IL18BP: variants seen among roughly 807,000 people sequenced by gnomAD.
IL18BP encodes the protein interleukin-18-binding protein.
Under a neutral mutation model 19.9 loss-of-function variants are expected in IL18BP, and 23 were observed. The ratio of observed to expected loss-of-function variants is 1.15; its 90% CI spans 0.83 to 1.64. The LOEUF is 1.64. Ranked by LOEUF, IL18BP falls within the 40% of genes most tolerant of loss-of-function variation. The pLI is 0.00. For synonymous variants in IL18BP, 107 were observed against 101.0 expected, an observed-to-expected ratio of 1.06 and a Z score of -0.35; for missense variants, 239 against 240.7, an observed-to-expected ratio of 0.99 and a Z score of 0.05.
At chr11:72,004,736 C>G, downstream of IL18BP, 1 of 1,612,612 alleles carries the variant, frequency 6.2e-7, no homozygotes, top group Middle Eastern at 1.7e-4. Flanking sequence ...GGATTGGCTG[C>G]ATGCTGGCTC....
downstream of IL18BP, chr11:72,005,988 CT>C (rs561399707): frequency 1.0e-3 from 1,475 of 1,447,954 alleles, 20 homozygotes; most frequent in South Asian, 0.015. Flanking sequence ...CACGATCCAC[CT>C]TCCAGTCTAA....
At chr11:72,004,549 G>T (rs1259828250), downstream of IL18BP, 1 of 1,358,056 alleles carries the variant, frequency 7.4e-7, no homozygotes, top group Non-Finnish European at 1.0e-6. Flanking sequence ...GGAAGTGAGG[G>T]AAGGAGAGAG....
Position 72,002,051 on chromosome 11 carries a change from T to A in IL18BP, c.*190T>A. 1.3e-6 allele frequency: 1 copy of A among 759,502 alleles called. No individual in the cohort carries two copies. The highest frequency in any genetic ancestry group is 2.2e-6 in the Non-Finnish European group (1 of 464,306). 47.0% of individuals were successfully genotyped at this position (759,502 alleles called of 1,614,324 possible). ...CCCACCTACCTAGAAAATCACAGCCTCCTTATAATGCCTCCTCCTCCTGCC... is the reference window on the plus strand; with the variant it reads ...CCCACCTACCTAGAAAATCACAGCCACCTTATAATGCCTCCTCCTCCTGCC... On this transcript the variant is annotated 3_prime_UTR_variant, in exon 6 of 6. Transcript: ENST00000393703.
rs1955114286 is a variant in IL18BP, at chr11:71,999,807, T to TAAA, written c.-58-120_-58-119insAAA. The TAAA allele has an allele frequency of 4.8e-6, 3 of 623,740 alleles. No homozygotes were observed. The African/African-American group carries it at 5.5e-5, about 12-fold the overall frequency. The allele number at this position is 623,740 out of a possible 1,614,324, so 38.6% of individuals were successfully genotyped here. On this transcript the variant is annotated intron_variant, in intron 1 of 5. Transcript: ENST00000393703. ...GTCACTTGACCCCCCCAGCTCTGTT[T>TAAA]CTAAGTGCTGAAAGAGCTCCAGGCT...
intron 3 of IL18BP, among the ~76,000 whole-genome samples, 176 bp from the exon 4 acceptor site, chr11:72,001,025 C>T (rs1955191175): frequency 6.6e-6 from 1 of 152,226 alleles, no homozygotes. Context: ...AGGGCTAGGG[C>T]CTCTCGGAGA....
At chr11:72,003,511 C>T (rs192702783), downstream of IL18BP, 3 of 1,612,898 alleles carry the variant, frequency 1.9e-6, no homozygotes, top group African/African-American at 1.3e-5. Context: ...TGGGGCCACT[C>T]ACTGGTACTG....
chr11:72,001,889 A>T lies in IL18BP; in HGVS notation c.*28A>T. On this transcript the variant is annotated 3_prime_UTR_variant, in exon 6 of 6. Transcript: ENST00000393703. ...CTCAGCACAGGGCCAGCAGCAGCAC[A>T]ACCTTGACCAGAGCTTGGGTCCTAC... 6.2e-7 allele frequency: 1 copy of T among 1,613,904 alleles called. No homozygotes were observed. Among genetic ancestry groups the T allele is most frequent in the Non-Finnish European group, 8.5e-7 (1 of 1,179,886 alleles).
At chr11:72,005,526 C>T, downstream of IL18BP, 1 of 645,202 alleles carries the variant, frequency 1.5e-6, no homozygotes, top group South Asian at 2.0e-5. Context: ...GTACGGCACA[C>T]AGACTATTTC....
chr11:72,005,402 C>G, downstream of IL18BP: 1 of 1,595,668 alleles, frequency 6.3e-7, no homozygotes, highest in Non-Finnish European at 8.5e-7. Flanking sequence ...AACAAATGAG[C>G]CTGGAGTCGG....
In IL18BP at chr11:72,001,933, C is replaced by T. The variant is rs142074822; in HGVS notation, c.*72C>T. 2,929 of 1,600,182 alleles carry T rather than the reference C, an allele frequency of 1.8e-3. 97 individuals are homozygous for T. The Admixed American group carries it at 0.046, about 25-fold the overall frequency. On this transcript the variant is annotated 3_prime_UTR_variant, in exon 6 of 6. Coordinates refer to ENST00000393703, the MANE Select transcript of IL18BP (RefSeq NM_001039660.2). Reference sequence around the variant, plus strand: ...GTCCTACCTGTCTACCTGGAGTGAACAGTCCCTGACTGCCTGTAGGCTGCG... The same window carrying T: ...GTCCTACCTGTCTACCTGGAGTGAATAGTCCCTGACTGCCTGTAGGCTGCG...
downstream of IL18BP, chr11:72,005,099 A>T: frequency 1.2e-5 from 13 of 1,072,342 alleles, no homozygotes; most frequent in Non-Finnish European, 1.7e-5. Context: ...TTCCACCTGG[A>T]AACATGAGAA....
At chr11:71,999,177 A>G (rs1232012635) in intron 1 of IL18BP, 158 bp downstream of exon 1, 4 of 516,028 alleles carry the variant, frequency 7.8e-6, no homozygotes, top group Admixed American at 3.9e-5. Flanking sequence ...CAGGATGTGG[A>G]CGGACTGGTA....
chr11:72,001,951 A>AGGCT lies in IL18BP; in HGVS notation c.*92_*95dup. 6.4e-7 allele frequency: 1 copy of AGGCT among 1,568,978 alleles called. No individual in the cohort carries two copies. The highest frequency in any genetic ancestry group is 8.7e-7 in the Non-Finnish European group (1 of 1,153,142). ...GAGTGAACAGTCCCTGACTGCCTGT[A>AGGCT]GGCTGCGTGGATGCGCAACACACCC... On this transcript the variant is annotated 3_prime_UTR_variant, in exon 6 of 6. Transcript: ENST00000393703.
At position 72,001,902 on chromosome 11, in the gene IL18BP, G is replaced by C; in HGVS notation, c.*41G>C. 1 of 1,613,180 alleles carries C rather than the reference G, an allele frequency of 6.2e-7. No homozygotes were observed. The highest frequency in any genetic ancestry group is 8.5e-7 in the Non-Finnish European group (1 of 1,179,530). On this transcript the variant is annotated 3_prime_UTR_variant, in exon 6 of 6. Transcript: ENST00000393703. Reference sequence around the variant, plus strand: ...CAGCAGCAGCACAACCTTGACCAGAGCTTGGGTCCTACCTGTCTACCTGGA... The same window carrying C: ...CAGCAGCAGCACAACCTTGACCAGACCTTGGGTCCTACCTGTCTACCTGGA...
At chr11:72,003,836 G>C (rs376053781), downstream of IL18BP, 1 of 1,579,872 alleles carries the variant, frequency 6.3e-7, no homozygotes, top group Non-Finnish European at 8.7e-7. Context: ...GGTCTGGGGG[G>C]TGCCCATGCT....
At chr11:72,001,611 G>C (rs1955246601) in intron 5 of IL18BP, 59 bp downstream of exon 5, 2 of 1,590,708 alleles carry the variant, frequency 1.3e-6, no homozygotes, top group African/African-American at 2.7e-5. Context: ...CATATGTGGG[G>C]AGGAAAGGGT....
In IL18BP at chr11:72,001,448, G is replaced by A. The variant is rs369842055; in HGVS notation, c.403G>A (p.Val135Met). Reference sequence around the variant, plus strand: ...AGGTACGCAGCTGTGCAAGGCCTTGGTGCTGGAGCAGCTGACCCCTGCCCT... The same window carrying A: ...AGGTACGCAGCTGTGCAAGGCCTTGATGCTGGAGCAGCTGACCCCTGCCCT... ...STGTQLCKAL[V>M]LEQLTPALHS... The change falls in exon 5 of 6, where the codon GTG becomes ATG. Residue 135 changes from valine to methionine, a missense_variant. Physicochemically the swap from Val to Met is conservative, Grantham distance 21. Coordinates refer to ENST00000393703, the MANE Select transcript of IL18BP (RefSeq NM_001039660.2). 4.3e-6 allele frequency: 7 copies of A among 1,614,096 alleles called. No homozygotes were observed. The highest frequency in any genetic ancestry group is 1.1e-5 in the South Asian group (1 of 91,096).
In IL18BP at chr11:72,000,016, G is replaced by T; in HGVS notation, c.28+4G>T. ...ATGAGACACAACTGGACACCAGGTA[G>T]GCCTTGGGGCTACGCATGGGCAGGC... On this transcript the variant is annotated splice_donor_region_variant and intron_variant, in intron 2 of 5. Transcript: ENST00000393703. The T allele has an allele frequency of 6.2e-7, 1 of 1,613,906 alleles. No individual in the cohort carries two copies. The highest frequency in any genetic ancestry group is 8.5e-7 in the Non-Finnish European group (1 of 1,179,824).
intron 3 of IL18BP, 116 bp from the exon 4 acceptor site, chr11:72,001,085 G>A: frequency 1.6e-6 from 2 of 1,286,994 alleles, no homozygotes; most frequent in South Asian, 1.3e-5. Flanking sequence ...GTGCAGAGCA[G>A]TTCTCTAGGT....
Sources: allele counts gnomAD v4.1 joint callset (sites outside exome capture counted in the v4.1 genomes callset), GRCh38; gene constraint gnomAD v4.1.1; transcripts MANE v1.5; gene names NCBI Gene and HGNC (gene_info 2026-07-23, HGNC 2026-07-21).